GRID2IP: variants seen among roughly 807,000 people sequenced by gnomAD.
GRID2IP encodes Grid2 interacting protein.
A neutral mutation model predicts 114.3 loss-of-function variants in GRID2IP; 78 were observed. That is an observed-to-expected ratio of 0.68 (90% CI 0.57 to 0.82). The LOEUF is 0.82. GRID2IP is among the 40% of genes least tolerant of loss of function. The pLI, the probability that GRID2IP is intolerant of heterozygous loss-of-function variation, is 0.00. For synonymous variants in GRID2IP, 809 were observed against 724.0 expected (o/e 1.12, Z -1.89); for missense variants, 1,727 against 1,678.5 (o/e 1.03, Z -0.51).
chr7:6,532,886 G>A lies in GRID2IP; in HGVS notation c.585-6117C>T, dbSNP rs997425090. Among the ~76,000 whole-genome samples, 1 of 152,208 alleles carries A rather than the reference G, an allele frequency of 6.6e-6. No individual in the cohort carries two copies. Among genetic ancestry groups the A allele is most frequent in the Non-Finnish European group, 1.5e-5 (1 of 68,042 alleles). On this transcript the variant is annotated intron_variant, in intron 2 of 21. Coordinates refer to ENST00000457091, the MANE Select transcript of GRID2IP (RefSeq NM_001145118.2). The surrounding 1 kb of genome is among the most constrained non-coding windows in gnomAD (Gnocchi z 4.4). ...GCCAGGTCTCCGTGGGCACAGTGGG[G>A]CCAGCTGCTCATGCCTGTGGCCAGG...
chr7:6,507,184 G>T lies in GRID2IP; in HGVS notation c.2544+801C>A, dbSNP rs747073191. ...TGATGGTGATCATGAGCACTGGGAC[G>T]GGGCAGCCCTGGGAGCTGGAAGGAG... On this transcript the variant is annotated intron_variant, in intron 13 of 21. Coordinates refer to ENST00000457091, the MANE Select transcript of GRID2IP (RefSeq NM_001145118.2). This position sits in a 1 kb window ranked among gnomAD's most constrained non-coding sequence, Gnocchi z 5.3. Among the ~76,000 whole-genome samples, 1 of 152,184 alleles carries T rather than the reference G, an allele frequency of 6.6e-6. No individual in the cohort carries two copies. Among genetic ancestry groups the T allele is most frequent in the Non-Finnish European group, 1.5e-5 (1 of 68,030 alleles).
chr7:6,505,142 G>A (rs1018129541), intron 14 of GRID2IP, among the ~76,000 whole-genome samples: 6 of 152,098 alleles, frequency 3.9e-5, no homozygotes, highest in African/African-American at 1.2e-4. Flanking sequence ...ACCCATCAAC[G>A]ACAGGGAGAT....
intron 4 of GRID2IP, 82 bp from the exon 5 acceptor site, chr7:6,522,039 G>A (rs79702317): frequency 0.015 from 17,215 of 1,122,284 alleles, 536 homozygotes; most frequent in South Asian, 0.065. Flanking sequence ...TTTTACAGGC[G>A]AGAAATGGAG....
At position 6,497,627 on chromosome 7, in the gene GRID2IP, C is replaced by T. The variant is rs1786290822; in HGVS notation, c.*147G>A. 2 of 590,546 alleles carry T rather than the reference C, an allele frequency of 3.4e-6. No individual in the cohort carries two copies. Among genetic ancestry groups the T allele is most frequent in the Non-Finnish European group, 2.9e-6 (1 of 341,360 alleles). The allele number at this position is 590,546 out of a possible 1,614,324, so 36.6% of individuals were successfully genotyped here. ...GGGCTGGCAGAGGAGGGCCCGACCA[C>T]AGCTCGGCGGCTGAGGTAGCTGCAG... is the stretch of plus-strand genomic sequence containing the variant. On this transcript the variant is annotated 3_prime_UTR_variant, in exon 22 of 22. Coordinates refer to ENST00000457091, the MANE Select transcript of GRID2IP (RefSeq NM_001145118.2).
At chr7:6,518,781 G>T (rs1014437451) in intron 7 of GRID2IP, among the ~76,000 whole-genome samples, 4 of 151,994 alleles carry the variant, frequency 2.6e-5, no homozygotes, top group Non-Finnish European at 4.4e-5. Flanking sequence ...AAAATAAAAA[G>T]TTGGGCATCA....
rs1425754575 is a variant in GRID2IP, at chr7:6,523,522, T to G, written c.920-1565A>C. Among the ~76,000 whole-genome samples the G allele has an allele frequency of 6.6e-6, 1 of 152,132 alleles. No individual in the cohort carries two copies. Among genetic ancestry groups the G allele is most frequent in the Non-Finnish European group, 1.5e-5 (1 of 68,032 alleles). Reference sequence around the variant, plus strand: ...TTGGCTTCCTATGACAGGAAAGGCATGGGATCACTGGCTTGAAGGTTGGGT... The same window carrying G: ...TTGGCTTCCTATGACAGGAAAGGCAGGGGATCACTGGCTTGAAGGTTGGGT... On this transcript the variant is annotated intron_variant, in intron 4 of 21. Transcript: ENST00000457091. The surrounding 1 kb of genome is among the most constrained non-coding windows in gnomAD (Gnocchi z 4.5).
intron 2 of GRID2IP, among the ~76,000 whole-genome samples, chr7:6,538,668 A>C (rs376681852): frequency 6.6e-6 from 1 of 152,232 alleles, no homozygotes; most frequent in Non-Finnish European, 1.5e-5. Context: ...ACTTGAGGTC[A>C]GGAGTTGGAG....
intron 1 of GRID2IP, among the ~76,000 whole-genome samples, chr7:6,546,992 C>T (rs1779898575): frequency 6.6e-6 from 1 of 152,144 alleles, no homozygotes; most frequent in Non-Finnish European, 1.5e-5. Flanking sequence ...ACTACATTTC[C>T]CAGCATCCTT....
At chr7:6,541,245 G>T (rs1484787270) in intron 1 of GRID2IP, among the ~76,000 whole-genome samples, 2 of 152,146 alleles carry the variant, frequency 1.3e-5, no homozygotes, top group African/African-American at 4.8e-5. Context: ...GTCACGGGGT[G>T]AAAGTGAAGG....
At chr7:6,502,964 G>A (rs758123588) in intron 17 of GRID2IP, 44 bp downstream of exon 17, 4 of 1,549,992 alleles carry the variant, frequency 2.6e-6, no homozygotes, top group African/African-American at 2.7e-5. Context: ...AGCCCCAGGA[G>A]GCAGAGAAGC....
intron 2 of GRID2IP, chr7:6,531,036 C>T: frequency 1.5e-6 from 1 of 645,264 alleles, no homozygotes; most frequent in South Asian, 1.6e-5. Flanking sequence ...GCGCACGGTT[C>T]CCGGAGGCGC....
chr7:6,527,984 C>A (rs898267511), intron 2 of GRID2IP, among the ~76,000 whole-genome samples: 3 of 152,118 alleles, frequency 2.0e-5, no homozygotes, highest in East Asian at 3.8e-4. Flanking sequence ...TCTTGAACTC[C>A]TGACCTCAGG....
At chr7:6,537,455 G>T (rs1433726013) in intron 2 of GRID2IP, among the ~76,000 whole-genome samples, 2 of 122,264 alleles carry the variant, frequency 1.6e-5, no homozygotes, top group South Asian at 5.8e-4. Flanking sequence ...TCAGCTCACC[G>T]CAACCTCCCT....
rs1011628635 is a variant in GRID2IP at position 6,536,014 on chromosome 7, A to G, written c.584+3704T>C. 5.9e-5 allele frequency among the ~76,000 whole-genome samples: 9 copies of G among 152,036 alleles called. No homozygotes were observed. Among genetic ancestry groups the G allele is most frequent in the African/African-American group, 2.2e-4 (9 of 41,392 alleles). ...TTGCTCTGTGCTGAGTTAGCCATCA[A>G]CTGGCACCCAACCCTGGGAATCACA... On this transcript the variant is annotated intron_variant, in intron 2 of 21. Transcript: ENST00000457091. The surrounding 1 kb of genome is among the most constrained non-coding windows in gnomAD (Gnocchi z 5.3).
Position 6,534,310 on chromosome 7 carries a change from G to A in GRID2IP, c.584+5408C>T, listed in dbSNP as rs1226082994. Among the ~76,000 whole-genome samples, 1 of 152,066 alleles carries A rather than the reference G, an allele frequency of 6.6e-6. No individual in the cohort carries two copies. The highest frequency in any genetic ancestry group is 6.6e-5 in the Admixed American group (1 of 15,252). On this transcript the variant is annotated intron_variant, in intron 2 of 21. Transcript: ENST00000457091. The surrounding 1 kb of genome is among the most constrained non-coding windows in gnomAD (Gnocchi z 4.5). Reference sequence around the variant, plus strand: ...CGCCACCACTCATATTTCCTGAAACGCTAGCGGACCACAAAGCTGACTCTG... The same window carrying A: ...CGCCACCACTCATATTTCCTGAAACACTAGCGGACCACAAAGCTGACTCTG...
In GRID2IP at chr7:6,519,587, A is replaced by C. The variant is rs1301849902; in HGVS notation, c.1268+991T>G. Among the ~76,000 whole-genome samples the C allele has an allele frequency of 6.6e-6, 1 of 151,558 alleles. No individual in the cohort carries two copies. Among genetic ancestry groups the C allele is most frequent in the African/African-American group, 2.4e-5 (1 of 41,316 alleles). On this transcript the variant is annotated intron_variant, in intron 7 of 21. Coordinates refer to ENST00000457091, the MANE Select transcript of GRID2IP (RefSeq NM_001145118.2). The surrounding 1 kb of genome is among the most constrained non-coding windows in gnomAD (Gnocchi z 4.1). ...AGCCTGACCAACATGGAGAAACCCT[A>C]TCTCTACTAAAAGTACAAAATTAGC...
chr7:6,530,344 A>G (rs1056158532), intron 2 of GRID2IP, among the ~76,000 whole-genome samples: 3 of 149,562 alleles, frequency 2.0e-5, no homozygotes. Context: ...GCTCACTGCA[A>G]CCTCCGCCTC....
chr7:6,544,428 C>T (rs1396050856), intron 1 of GRID2IP, among the ~76,000 whole-genome samples: 1 of 151,622 alleles, frequency 6.6e-6, no homozygotes, highest in Non-Finnish European at 1.5e-5. Flanking sequence ...TACAGGCACC[C>T]GCCACCACAA....
Position 6,520,041 on chromosome 7 carries a change from C to G in GRID2IP, c.1268+537G>C, listed in dbSNP as rs1336044798. On this transcript the variant is annotated intron_variant, in intron 7 of 21. Coordinates refer to ENST00000457091, the MANE Select transcript of GRID2IP (RefSeq NM_001145118.2). This position sits in a 1 kb window ranked among gnomAD's most constrained non-coding sequence, Gnocchi z 4.6. ...CTGTAATCCCAGCACTTTGGGAGGCCGAGGCGGGCAGATCACGAGGTCAGG... is the reference window on the plus strand; with the variant it reads ...CTGTAATCCCAGCACTTTGGGAGGCGGAGGCGGGCAGATCACGAGGTCAGG... Among the ~76,000 whole-genome samples, 3 of 151,792 alleles carry G rather than the reference C, an allele frequency of 2.0e-5. No individual in the cohort carries two copies. Among genetic ancestry groups the G allele is most frequent in the Non-Finnish European group, 4.4e-5 (3 of 67,948 alleles).
Sources: allele counts gnomAD v4.1 joint callset (sites outside exome capture counted in the v4.1 genomes callset), GRCh38; gene constraint gnomAD v4.1.1; non-coding constraint Gnocchi (gnomAD v3.1); transcripts MANE v1.5; gene names NCBI Gene and HGNC (gene_info 2026-07-23, HGNC 2026-07-21).